The following CSMD3 variants were observed in gnomAD, a reference collection of about 807,000 sequenced individuals.
CSMD3 encodes the protein CUB and Sushi multiple domains 3.
A neutral mutation model predicts 435.2 loss-of-function variants in CSMD3; 177 were observed. That is an observed-to-expected ratio of 0.41 (90% CI 0.36 to 0.46). The LOEUF is 0.46. Ranked by LOEUF, CSMD3 falls within the 20% of genes least tolerant of loss-of-function variation. CSMD3 has a pLI of 0.34. For synonymous variants in CSMD3, 1,656 were observed against 1,520.5 expected (o/e 1.09, Z -2.07); for missense variants, 4,265 against 4,504.6 (o/e 0.95, Z 1.52).
intron 6 of CSMD3, among the ~76,000 whole-genome samples, chr8:112,980,563 T>C (rs2130959637): frequency 6.6e-6 from 1 of 151,538 alleles, no homozygotes; most frequent in East Asian, 1.9e-4. Context: ...ATACTACGAC[T>C]AATTCTATTC....
intron 32 of CSMD3, among the ~76,000 whole-genome samples, chr8:112,459,899 TTC>T (rs1486338925): frequency 2.6e-5 from 4 of 152,128 alleles, no homozygotes; most frequent in Non-Finnish European, 1.5e-5. Flanking sequence ...CCTTGTGTTG[TTC>T]TTTTTGGCTG....
rs1276722271 is a variant in CSMD3, at chr8:113,098,829, T to C, written c.844A>G (p.Ile282Val). 3.1e-6 allele frequency: 5 copies of C among 1,612,930 alleles called. No homozygotes were observed. In the South Asian group the frequency reaches 3.3e-5, roughly 11 times the overall value. ...TCTTCCATTTGAAAATCAGTAAATA[T>C]GAGTGAAATTGTGTCCCCAGGCTCT... ...VAEPGDTISL[I>V]FTDFQMEEKY... The change falls in exon 5 of 71, where the codon ATA becomes GTA. Residue 282 changes from isoleucine (I) to valine (V), a missense_variant. Coordinates refer to ENST00000297405, the MANE Select transcript of CSMD3 (RefSeq NM_198123.2).
chr8:113,004,376 G>GGAAGACAC (rs2085977353), intron 6 of CSMD3, among the ~76,000 whole-genome samples: 2 of 151,554 alleles, frequency 1.3e-5, no homozygotes, highest in South Asian at 2.1e-4. Flanking sequence ...AATTCTCACA[G>GGAAGACAC]GAAGATACAA....
At chr8:112,995,729 T>C (rs546507605) in intron 6 of CSMD3, among the ~76,000 whole-genome samples, 10 of 151,596 alleles carry the variant, frequency 6.6e-5, no homozygotes, top group African/African-American at 2.2e-4. Flanking sequence ...ACATCTCTAA[T>C]AGTTCCAAGA....
chr8:112,967,290 A>G (rs374082743), intron 7 of CSMD3, among the ~76,000 whole-genome samples: 2 of 151,922 alleles, frequency 1.3e-5, no homozygotes, highest in Admixed American at 6.6e-5. Context: ...TAAAAATTAC[A>G]TTTGATAATA....
chr8:113,000,272 G>T (rs1405432356), intron 6 of CSMD3, among the ~76,000 whole-genome samples: 1 of 152,022 alleles, frequency 6.6e-6, no homozygotes, highest in Non-Finnish European at 1.5e-5. Flanking sequence ...TCATAGGGGT[G>T]AAAATGGTTC....
chr8:112,520,580 A>T (rs2131009843), intron 27 of CSMD3, among the ~76,000 whole-genome samples: 1 of 152,134 alleles, frequency 6.6e-6, no homozygotes, highest in Admixed American at 6.5e-5. Context: ...AATATAGAAC[A>T]ATTTGTATCC....
chr8:112,611,847 T>C (rs139559661), intron 22 of CSMD3, among the ~76,000 whole-genome samples: 128 of 152,320 alleles, frequency 8.4e-4, no homozygotes, highest in African/African-American at 2.9e-3. Context: ...TTATGCGACA[T>C]AAATCTAAGC....
chr8:112,822,118 G>GT (rs2079547190), intron 12 of CSMD3, among the ~76,000 whole-genome samples: 1 of 152,132 alleles, frequency 6.6e-6, no homozygotes, highest in Admixed American at 6.5e-5. Flanking sequence ...GCTTAGGATT[G>GT]TCTTGGCTAT....
chr8:112,739,792 A>G (rs1171030661), intron 13 of CSMD3, among the ~76,000 whole-genome samples: 2 of 151,840 alleles, frequency 1.3e-5, no homozygotes, highest in East Asian at 1.9e-4. Flanking sequence ...TTTTTCTTAC[A>G]TAATATAAAT....
intron 22 of CSMD3, among the ~76,000 whole-genome samples, chr8:112,636,368 T>A (rs191824285): frequency 6.6e-6 from 1 of 152,128 alleles, no homozygotes; most frequent in Non-Finnish European, 1.5e-5. Flanking sequence ...CTTTTATGCA[T>A]GTTAATTTTA....
intron 3 of CSMD3, among the ~76,000 whole-genome samples, chr8:113,176,498 C>T (rs1401614425): frequency 6.6e-6 from 1 of 152,094 alleles, no homozygotes; most frequent in Non-Finnish European, 1.5e-5. Context: ...TCTGATTGAA[C>T]ATTCTCTTCT....
At chr8:112,870,332 G>A (rs1423549931) in intron 10 of CSMD3, among the ~76,000 whole-genome samples, 2 of 150,162 alleles carry the variant, frequency 1.3e-5, no homozygotes, top group East Asian at 2.0e-4. Context: ...GCAGTGGCTC[G>A]ATCTCGGCTC....
chr8:112,558,652 C>CA (rs1828345531), intron 24 of CSMD3, among the ~76,000 whole-genome samples: 1 of 151,740 alleles, frequency 6.6e-6, no homozygotes, highest in African/African-American at 2.4e-5. Flanking sequence ...ATCCCTACAC[C>CA]AGAGAGCTGG....
intron 1 of CSMD3, among the ~76,000 whole-genome samples, chr8:113,368,645 G>A (rs1006404119): frequency 6.6e-6 from 1 of 152,176 alleles, no homozygotes; most frequent in African/African-American, 2.4e-5. Flanking sequence ...GCAGTTATAA[G>A]GTTGAGCAGC....
intron 10 of CSMD3, among the ~76,000 whole-genome samples, chr8:112,876,408 T>A (rs1217515058): frequency 6.6e-6 from 1 of 152,150 alleles, no homozygotes; most frequent in African/African-American, 2.4e-5. Flanking sequence ...ATATCCCTGA[T>A]GAAGATCGAT....
chr8:113,033,949 G>T (rs2087232773), intron 5 of CSMD3, among the ~76,000 whole-genome samples: 1 of 151,388 alleles, frequency 6.6e-6, no homozygotes, highest in Middle Eastern at 3.4e-3. Context: ...TTTTAAAAGT[G>T]GCAATTTCCC....
Position 112,352,487 on chromosome 8 carries a change from T to G in CSMD3, c.6184A>C (p.Ile2062Leu). Residue 2062 changes from isoleucine to leucine, a missense_variant, in exon 39 of 71, where the codon ATT (isoleucine) becomes CTT (leucine). Physicochemically the swap from Ile to Leu is conservative, Grantham distance 5. Transcript: ENST00000297405. ...ACCATATATCTGTCTCCAATTTTAA[T>G]TCCACTGCTAGGAGTTTGTGGTTCA... Reference protein sequence around the residue: ...CPEPQTPSSGIKIGDRYMVGD... With the variant: ...CPEPQTPSSGLKIGDRYMVGD... 2 of 1,613,700 alleles carry G rather than the reference T, an allele frequency of 1.2e-6. No individual in the cohort carries two copies. The highest frequency in any genetic ancestry group is 1.7e-6 in the Non-Finnish European group (2 of 1,179,756).
chr8:112,480,744 C>T (rs1819553095), intron 31 of CSMD3, among the ~76,000 whole-genome samples: 1 of 152,138 alleles, frequency 6.6e-6, no homozygotes, highest in African/African-American at 2.4e-5. Context: ...ATTTCCTGTA[C>T]AGCCTGCAGA....
Sources: allele counts gnomAD v4.1 joint callset (sites outside exome capture counted in the v4.1 genomes callset), GRCh38; gene constraint gnomAD v4.1.1; transcripts MANE v1.5; gene names NCBI Gene and HGNC (gene_info 2026-07-23, HGNC 2026-07-21).